Variants in PTPN9 observed in about 807,000 individuals in gnomAD.
PTPN9 encodes tyrosine-protein phosphatase non-receptor type 9.
PTPN9 carries 26 observed loss-of-function variants against 69.8 expected under a neutral mutation model. The ratio of observed to expected loss-of-function variants is 0.37; its 90% CI spans 0.27 to 0.52. The LOEUF (loss-of-function observed/expected upper bound fraction) is 0.52. Among genes scored for constraint, PTPN9 ranks in the 20% least tolerant of loss-of-function variants. The pLI is 0.91. For synonymous variants in PTPN9, 274 were observed against 272.5 expected (o/e 1.01, Z -0.05); for missense variants, 549 against 740.3 (o/e 0.74, Z 3.00).
intron 1 of PTPN9, 125 bp from the exon 2 acceptor site, chr15:75,527,386 C>T: frequency 2.0e-6 from 2 of 1,011,242 alleles, no homozygotes; most frequent in Non-Finnish European, 2.8e-6. Context: ...CTACAGGGAG[C>T]AGGGAAAGAC....
Position 75,506,006 on chromosome 15 carries a change from G to T in PTPN9, c.640-3C>A, listed in dbSNP as rs750053698. ...TCAGATGTCTTTAATATTTGAATCT[G>T]GAAGGTTAGAAAGAACCATGTGAGT... On this transcript the variant is annotated splice_polypyrimidine_tract_variant and splice_region_variant and intron_variant, in intron 6 of 12. Coordinates refer to ENST00000618819, the MANE Select transcript of PTPN9 (RefSeq NM_002833.4). 3 of 1,602,172 alleles carry T rather than the reference G, an allele frequency of 1.9e-6. No homozygotes were observed. The highest frequency in any genetic ancestry group is 2.6e-6 in the Non-Finnish European group (3 of 1,170,556).
At chr15:75,569,046 A>G (rs1004379376) in intron 1 of PTPN9, among the ~76,000 whole-genome samples, 1 of 152,214 alleles carries the variant, frequency 6.6e-6, no homozygotes, top group African/African-American at 2.4e-5. Context: ...GTGGTCAGGA[A>G]GAGCAACCAA....
At chr15:75,473,174 T>C (rs1350681731) in intron 10 of PTPN9, among the ~76,000 whole-genome samples, 1 of 152,116 alleles carries the variant, frequency 6.6e-6, no homozygotes, top group African/African-American at 2.4e-5. Flanking sequence ...TTAGATCTAT[T>C]CATCTCCACC....
intron 1 of PTPN9, among the ~76,000 whole-genome samples, chr15:75,544,748 T>TG (rs1555456651): frequency 1.3e-5 from 2 of 151,572 alleles, no homozygotes; most frequent in African/African-American, 4.8e-5. Flanking sequence ...AAAGTCTTTC[T>TG]GGGGGAAAAA....
chr15:75,498,427 C>A (rs2074755356), intron 7 of PTPN9, among the ~76,000 whole-genome samples: 1 of 151,222 alleles, frequency 6.6e-6, no homozygotes, highest in Non-Finnish European at 1.5e-5. Flanking sequence ...TACTATAGGG[C>A]AATGAGGCTG....
intron 7 of PTPN9, among the ~76,000 whole-genome samples, chr15:75,497,420 A>G (rs1361413687): frequency 6.6e-6 from 1 of 152,164 alleles, no homozygotes; most frequent in South Asian, 2.1e-4. Context: ...TGAGCCCAGG[A>G]GGTTAAGGCT....
intron 1 of PTPN9, among the ~76,000 whole-genome samples, chr15:75,528,695 A>ATTTT (rs770826556): frequency 1.6e-5 from 2 of 125,436 alleles, no homozygotes; most frequent in Admixed American, 8.3e-5. Context: ...CCCTCAGCAC[A>ATTTT]TTTTTTTTTT....
chr15:75,530,533 AATATTATTATATTATAATATATTAT>A (rs1302330589), intron 1 of PTPN9, among the ~76,000 whole-genome samples: 3,244 of 48,810 alleles, frequency 0.066, 146 homozygotes, highest in Middle Eastern at 0.15. Context: ...TTTATTATAT[AATATTATTATATTATAATATATTAT>A]ATATTATTAT....
chr15:75,493,763 TA>T (rs929967833), intron 7 of PTPN9, among the ~76,000 whole-genome samples: 16 of 145,764 alleles, frequency 1.1e-4, no homozygotes, highest in East Asian at 2.0e-4. Context: ...TCCGTCTCAT[TA>T]AAAAAAAAAG....
chr15:75,471,887 G>C (rs2074567970), intron 10 of PTPN9, among the ~76,000 whole-genome samples: 1 of 151,924 alleles, frequency 6.6e-6, no homozygotes, highest in Non-Finnish European at 1.5e-5. Flanking sequence ...AGGTTGCAGT[G>C]AGCTGAGATC....
intron 12 of PTPN9, among the ~76,000 whole-genome samples, chr15:75,469,225 G>A (rs2074551590): frequency 6.6e-6 from 1 of 152,222 alleles, no homozygotes; most frequent in Admixed American, 6.5e-5. Flanking sequence ...AGTGGAAATG[G>A]GAAGGTGACA....
intron 8 of PTPN9, among the ~76,000 whole-genome samples, chr15:75,482,331 C>T (rs550627335): frequency 2.1e-3 from 314 of 152,158 alleles, no homozygotes; most frequent in African/African-American, 7.4e-3. Flanking sequence ...TTTGGGAGGC[C>T]GAGGCGGGCG....
intron 1 of PTPN9, among the ~76,000 whole-genome samples, chr15:75,568,507 CA>C (rs1206871976): frequency 7.4e-3 from 414 of 56,250 alleles, no homozygotes; most frequent in African/African-American, 0.019. Flanking sequence ...GACCTTGTCT[CA>C]AAAAAAAAAA....
intron 7 of PTPN9, among the ~76,000 whole-genome samples, chr15:75,501,389 T>C (rs751074941): frequency 1.3e-5 from 2 of 151,698 alleles, no homozygotes; most frequent in Non-Finnish European, 2.9e-5. Flanking sequence ...TAAGTTGGAA[T>C]ATGAGGCTGG....
intron 8 of PTPN9, among the ~76,000 whole-genome samples, chr15:75,483,387 AGTGAT>A: frequency 6.6e-6 from 1 of 152,222 alleles, no homozygotes; most frequent in East Asian, 1.9e-4. Context: ...AGTAAAAAGC[AGTGAT>A]GTGATGATAC....
chr15:75,570,484 AC>A (rs1389305780), intron 1 of PTPN9: 1 of 152,062 alleles, frequency 6.6e-6, no homozygotes, highest in South Asian at 2.1e-4. Flanking sequence ...AAAAATCCAA[AC>A]CAGACTGGGC....
intron 9 of PTPN9, among the ~76,000 whole-genome samples, chr15:75,477,616 T>G (rs777458785): frequency 7.2e-5 from 11 of 151,974 alleles, no homozygotes; most frequent in South Asian, 2.1e-4. Context: ...AATTAATTAA[T>G]TAAAAATAAA....
intron 8 of PTPN9, among the ~76,000 whole-genome samples, chr15:75,480,182 A>C (rs1223479611): frequency 6.6e-6 from 1 of 152,194 alleles, no homozygotes; most frequent in South Asian, 2.1e-4. Context: ...AAGGGATTAA[A>C]ACTATTAAAA....
intron 1 of PTPN9, among the ~76,000 whole-genome samples, chr15:75,556,913 A>G (rs1004546146): frequency 2.0e-5 from 3 of 152,052 alleles, no homozygotes; most frequent in African/African-American, 7.2e-5. Context: ...GAATGTACCT[A>G]TTGTAGGTAC....
Sources: gnomAD v4.1 joint callset for allele counts (sites outside exome capture counted in the v4.1 genomes callset) on GRCh38, gnomAD v4.1.1 for gene constraint, MANE v1.5 for transcripts, NCBI Gene and HGNC (gene_info 2026-07-23, HGNC 2026-07-21) for gene names.